Variants in NRG1 observed in about 807,000 individuals in gnomAD.
NRG1 encodes pro-neuregulin-1, membrane-bound isoform.
In NRG1, 18 loss-of-function variants were observed where a neutral mutation model predicts 63.8. The ratio of observed to expected loss-of-function variants is 0.28; its 90% confidence interval spans 0.19 to 0.42. The LOEUF (loss-of-function observed/expected upper bound fraction) is 0.42. NRG1 is among the 10% of genes least tolerant of loss of function. The pLI, the probability that NRG1 is intolerant of heterozygous loss-of-function variation, is 1.00. For synonymous variants in NRG1, 302 were observed against 301.3 expected, an observed-to-expected ratio of 1.00 and a Z score of -0.02; for missense variants, 762 against 814.7, an observed-to-expected ratio of 0.94 and a Z score of 0.79.
intron 1 of NRG1, among the ~76,000 whole-genome samples, chr8:31,886,231 G>A (rs1830709318): frequency 6.6e-6 from 1 of 152,094 alleles, no homozygotes; most frequent in Admixed American, 6.6e-5. Context: ...TTTAAGGTAT[G>A]TCTTCTGGTA....
At position 32,064,830 on chromosome 8, in the gene NRG1, G is replaced by T. The variant is rs575421440; in HGVS notation, c.37+425399G>T. Among the ~76,000 whole-genome samples the T allele has an allele frequency of 2.0e-5, 3 of 152,096 alleles. No homozygotes were observed. The South Asian group carries it at 6.2e-4, about 32-fold the overall frequency. ...AATAAACATTAGTATAAAACTTTATGTACCTATTACATAACAGTCATATAT... is the reference window on the plus strand; with the variant it reads ...AATAAACATTAGTATAAAACTTTATTTACCTATTACATAACAGTCATATAT... On this transcript the variant is annotated intron_variant, in intron 1 of 10. Transcript: ENST00000519301.
intron 1 of NRG1, among the ~76,000 whole-genome samples, chr8:32,044,930 A>AAAAAAAAC (rs1554610208): frequency 3.6e-4 from 49 of 137,062 alleles, no homozygotes; most frequent in African/African-American, 8.6e-4. Flanking sequence ...AAAAAAAAAA[A>AAAAAAAAC]ACACACACAC....
rs569348480 is a variant in NRG1 at position 31,869,562 on chromosome 8, A to G, written c.37+230131A>G. 5.3e-5 allele frequency among the ~76,000 whole-genome samples: 8 copies of G among 152,262 alleles called. No homozygotes were observed. In the East Asian group the frequency reaches 5.8e-4, roughly 11 times the overall value. On this transcript the variant is annotated intron_variant, in intron 1 of 10. Transcript: ENST00000519301. ...AAGGAAAGGCTTTGTTATCTACTCC[A>G]TGGTCTCTTTGAGAAAAAAGGCCTG...
chr8:31,827,883 GAT>G (rs991698171), intron 1 of NRG1, among the ~76,000 whole-genome samples: 2 of 152,164 alleles, frequency 1.3e-5, no homozygotes, highest in African/African-American at 4.8e-5. Flanking sequence ...GCATAATAAA[GAT>G]CTGGCCTTAT....
At chr8:31,833,418 T>C (rs1418037355) in intron 1 of NRG1, among the ~76,000 whole-genome samples, 1 of 152,162 alleles carries the variant, frequency 6.6e-6, no homozygotes, top group African/African-American at 2.4e-5. Context: ...TGTAGAGTTC[T>C]TACCCCGGAG....
intron 1 of NRG1, among the ~76,000 whole-genome samples, chr8:32,210,958 G>T (rs923016517): frequency 2.0e-5 from 3 of 152,258 alleles, no homozygotes; most frequent in African/African-American, 7.2e-5. Flanking sequence ...TATATTTGTT[G>T]CTGTTTTTCT....
At chr8:31,830,378 C>T (rs551293153) in intron 1 of NRG1, among the ~76,000 whole-genome samples, 1 of 138,270 alleles carries the variant, frequency 7.2e-6, no homozygotes, top group Non-Finnish European at 1.5e-5. Context: ...TCCCTCCTTC[C>T]CTCCTTCCCT....
chr8:31,851,013 C>T (rs1452489743), intron 1 of NRG1, among the ~76,000 whole-genome samples: 3 of 152,112 alleles, frequency 2.0e-5, no homozygotes, highest in African/African-American at 7.2e-5. Flanking sequence ...CTTTGGTGGC[C>T]ATATACTCAG....
chr8:32,386,315 C>T (rs116187177), intron 1 of NRG1, among the ~76,000 whole-genome samples: 1,564 of 152,232 alleles, frequency 0.01, 22 homozygotes, highest in African/African-American at 0.03. Flanking sequence ...AAGTTTTATG[C>T]AAAGAGGAAA....
chr8:32,194,577 C>T (rs964873577), intron 1 of NRG1, among the ~76,000 whole-genome samples: 4 of 152,044 alleles, frequency 2.6e-5, no homozygotes, highest in African/African-American at 9.7e-5. Context: ...GCCCAGTAGA[C>T]ACTGGGAGGA....
At chr8:32,230,509 A>T (rs73576697) in intron 1 of NRG1, among the ~76,000 whole-genome samples, 1,801 of 152,272 alleles carry the variant, frequency 0.012, 45 homozygotes, top group African/African-American at 0.04. Flanking sequence ...TAGGAAACTC[A>T]GGGAAGTTAA....
intron 1 of NRG1, among the ~76,000 whole-genome samples, chr8:31,809,951 T>C (rs570848371): frequency 3.2e-4 from 49 of 152,054 alleles, no homozygotes; most frequent in African/African-American, 1.2e-3. Context: ...CTGATAGGCC[T>C]GTCAATCTTG....
chr8:32,337,666 A>AAAAAAAAAAAAAAAAAC (rs1803473950), intron 1 of NRG1, among the ~76,000 whole-genome samples: 1 of 128,498 alleles, frequency 7.8e-6, no homozygotes, highest in Non-Finnish European at 1.7e-5. Flanking sequence ...AAAAAAAAAA[A>AAAAAAAAAAAAAAAAAC]AAAAAAAAAA....
intron 1 of NRG1, among the ~76,000 whole-genome samples, chr8:31,764,930 C>T (rs1817912437): frequency 7.0e-6 from 1 of 142,830 alleles, no homozygotes; most frequent in African/African-American, 2.6e-5. Flanking sequence ...TGATATTCCC[C>T]TTCCTGTGTC....
intron 1 of NRG1, among the ~76,000 whole-genome samples, chr8:31,671,989 G>A (rs1333120732): frequency 2.0e-5 from 3 of 152,136 alleles, no homozygotes; most frequent in Non-Finnish European, 4.4e-5. Context: ...CTGTCAAAAT[G>A]TTGCATACAA....
Position 32,008,663 on chromosome 8 carries a change from A to T in NRG1, c.37+369232A>T, listed in dbSNP as rs117829450. ...AGAAGTGACATTTTTATTTGAGAAC[A>T]ATTTACCAGATTATGTCAAGTTCAT... is the stretch of plus-strand genomic sequence containing the variant. On this transcript the variant is annotated intron_variant, in intron 1 of 10. Transcript: ENST00000519301. Among the ~76,000 whole-genome samples the T allele has an allele frequency of 8.3e-3, 1,262 of 152,170 alleles. 25 individuals are homozygous for T. The South Asian group carries it at 0.084, about 10-fold the overall frequency.
chr8:31,642,410 G>A (rs1339099996), intron 1 of NRG1, among the ~76,000 whole-genome samples: 4 of 152,100 alleles, frequency 2.6e-5, no homozygotes, highest in Admixed American at 2.6e-4. Flanking sequence ...CTAGGATTGG[G>A]GGTGCATTAC....
chr8:31,640,275 C>T lies in NRG1; in HGVS notation c.37+844C>T. 8.8e-7 allele frequency: 1 copy of T among 1,134,640 alleles called. No individual in the cohort carries two copies. The highest frequency in any genetic ancestry group is 1.1e-6 in the Non-Finnish European group (1 of 925,972). The allele number at this position is 1,134,640 out of a possible 1,614,324, so 70.3% of individuals were successfully genotyped here. On this transcript the variant is annotated intron_variant, in intron 1 of 10. Coordinates refer to the NRG1 transcript ENST00000519301. The surrounding 1 kb of genome is among the most constrained non-coding windows in gnomAD (Gnocchi z 6.3). ...CGCAGCGGCGGCAGCAGGGGGCACT[C>T]GACAGGAAGGCGGCGGCGGCGGCGG...
At chr8:31,952,532 A>T (rs190632411) in intron 1 of NRG1, among the ~76,000 whole-genome samples, 2 of 152,346 alleles carry the variant, frequency 1.3e-5, no homozygotes, top group East Asian at 3.9e-4. Context: ...CTTCAACAAG[A>T]TATTTGAAGT....
Sources: allele counts gnomAD v4.1 joint callset (sites outside exome capture counted in the v4.1 genomes callset), GRCh38; gene constraint gnomAD v4.1.1; non-coding constraint Gnocchi (gnomAD v3.1); transcripts MANE v1.5; gene names NCBI Gene and HGNC (gene_info 2026-07-23, HGNC 2026-07-21).